Variants in ELMO1 observed in about 807,000 individuals in gnomAD.
ELMO1 encodes engulfment and cell motility protein 1.
In ELMO1, 26 loss-of-function variants were observed where a neutral mutation model predicts 98.9. That is an observed-to-expected ratio of 0.26 (90% CI 0.19 to 0.36). The LOEUF is 0.36. Among genes scored for constraint, ELMO1 ranks in the 10% least tolerant of loss-of-function variants. The probability of loss-of-function intolerance (pLI) is 1.00; values close to 1 mark genes in which losing one functional copy is unlikely to be tolerated. For synonymous variants in ELMO1, 346 were observed against 346.0 expected (o/e 1.00, Z 0.00); for missense variants, 627 against 935.2 (o/e 0.67, Z 4.30).
rs1800107692 is a variant in ELMO1, at chr7:37,331,355, TGG to T, written c.78+11256_78+11257del. Among the ~76,000 whole-genome samples the T allele has an allele frequency of 3.5e-4, 37 of 105,672 alleles. 3 individuals carry two copies. The highest frequency in any genetic ancestry group is 7.4e-4 in the South Asian group (2 of 2,710). The allele number at this position is 105,672 out of a possible 152,430, so 69.3% of individuals were successfully genotyped here. Reference sequence around the variant, plus strand: ...TGGCTTTTTTTTTTTTTTTTTTTTTTGGAATTTTAGTAGAGACAGGGTTTCAC... The same window carrying T: ...TGGCTTTTTTTTTTTTTTTTTTTTTTAATTTTAGTAGAGACAGGGTTTCAC... On this transcript the variant is annotated intron_variant, in intron 2 of 21. Transcript: ENST00000310758.
chr7:37,407,372 A>G (rs998502558), intron 1 of ELMO1, among the ~76,000 whole-genome samples: 4 of 151,906 alleles, frequency 2.6e-5, no homozygotes, highest in Non-Finnish European at 1.5e-5. Flanking sequence ...GCCAGGCGTG[A>G]TGGTGGGTGC....
At chr7:37,166,856 G>A (rs987147663) in intron 13 of ELMO1, among the ~76,000 whole-genome samples, 1 of 152,168 alleles carries the variant, frequency 6.6e-6, no homozygotes, top group Non-Finnish European at 1.5e-5. Flanking sequence ...TATTAGGTCT[G>A]CTTGGTGGAG....
chr7:37,172,901 CG>C (rs1253190898), intron 13 of ELMO1, among the ~76,000 whole-genome samples: 2 of 152,154 alleles, frequency 1.3e-5, no homozygotes, highest in African/African-American at 4.8e-5. Context: ...AACTAGCAGA[CG>C]GCTCTTACTC....
At chr7:37,331,248 C>T (rs1800089056) in intron 2 of ELMO1, among the ~76,000 whole-genome samples, 1 of 150,816 alleles carries the variant, frequency 6.6e-6, no homozygotes, top group African/African-American at 2.4e-5. Flanking sequence ...CGGCTCACTG[C>T]AAGCTCTGCC....
chr7:37,375,978 G>T, intron 1 of ELMO1: 1 of 570,142 alleles, frequency 1.8e-6, no homozygotes, highest in Admixed American at 2.5e-5. Flanking sequence ...CTGAATTCCA[G>T]TTTAGAGGAG....
At chr7:37,188,907 A>C (rs889914794) in intron 13 of ELMO1, among the ~76,000 whole-genome samples, 16 of 123,012 alleles carry the variant, frequency 1.3e-4, no homozygotes, top group Non-Finnish European at 2.3e-4. Context: ...TCATTGCTGC[A>C]GCTCAGTTCA....
chr7:36,894,791 GT>G, intron 17 of ELMO1, 62 bp downstream of exon 17: 1 of 1,601,408 alleles, frequency 6.2e-7, no homozygotes, highest in Non-Finnish European at 8.5e-7. Context: ...ATGACAGGCG[GT>G]CATTCTAGAA....
At chr7:37,207,245 C>T (rs58205009) in intron 13 of ELMO1, among the ~76,000 whole-genome samples, 1,823 of 152,300 alleles carry the variant, frequency 0.012, 43 homozygotes, top group African/African-American at 0.042. Flanking sequence ...TCCTTAGAAG[C>T]TCCACTAAAA....
chr7:37,312,797 T>C (rs1284658317), intron 4 of ELMO1, among the ~76,000 whole-genome samples: 1 of 152,210 alleles, frequency 6.6e-6, no homozygotes, highest in East Asian at 1.9e-4. Flanking sequence ...AACAGCTTTT[T>C]TACCACAACC....
intron 13 of ELMO1, among the ~76,000 whole-genome samples, chr7:37,154,123 C>T (rs544571467): frequency 6.6e-6 from 1 of 152,074 alleles, no homozygotes; most frequent in Non-Finnish European, 1.5e-5. Context: ...TCAACATCAA[C>T]AAAAAAGGAC....
chr7:37,098,125 A>G (rs1191745404), intron 14 of ELMO1, among the ~76,000 whole-genome samples: 2 of 152,222 alleles, frequency 1.3e-5, no homozygotes, highest in Non-Finnish European at 2.9e-5. Flanking sequence ...ACCACTTTGA[A>G]TGATCATCTC....
intron 13 of ELMO1, among the ~76,000 whole-genome samples, chr7:37,176,880 T>G (rs543387811): frequency 1.2e-3 from 184 of 152,330 alleles, no homozygotes; most frequent in African/African-American, 4.0e-3. Context: ...TAGACGACTA[T>G]ATAATCAACG....
intron 4 of ELMO1, among the ~76,000 whole-genome samples, chr7:37,282,879 T>C (rs1797212944): frequency 6.6e-6 from 1 of 152,240 alleles, no homozygotes; most frequent in African/African-American, 2.4e-5. Context: ...CATTTTCAGC[T>C]GTTGTCTTTT....
At chr7:37,344,253 A>C (rs1044559277) in intron 1 of ELMO1, among the ~76,000 whole-genome samples, 2 of 152,084 alleles carry the variant, frequency 1.3e-5, no homozygotes, top group African/African-American at 4.8e-5. Flanking sequence ...GCTGGTCTTG[A>C]ACTCCTGACC....
intron 15 of ELMO1, among the ~76,000 whole-genome samples, chr7:37,070,690 G>C (rs970913204): frequency 6.6e-6 from 1 of 152,160 alleles, no homozygotes; most frequent in African/African-American, 2.4e-5. Context: ...TGACATGATG[G>C]ATTTCAGAAT....
intron 13 of ELMO1, among the ~76,000 whole-genome samples, chr7:37,163,336 T>A (rs1789363604): frequency 1.6e-4 from 1 of 6,298 alleles, no homozygotes; most frequent in Non-Finnish European, 6.1e-3. Flanking sequence ...AAGCCAGTGT[T>A]CTTTTTTTTT....
At chr7:37,012,864 C>T (rs1195317357) in intron 16 of ELMO1, among the ~76,000 whole-genome samples, 1 of 152,128 alleles carries the variant, frequency 6.6e-6, no homozygotes, top group African/African-American at 2.4e-5. Flanking sequence ...CCATAATCCA[C>T]AAAGAAACCA....
intron 4 of ELMO1, among the ~76,000 whole-genome samples, chr7:37,280,506 GA>G (rs929482154): frequency 6.9e-5 from 10 of 145,150 alleles, no homozygotes; most frequent in Admixed American, 4.1e-4. Context: ...AAATCAGTAA[GA>G]AAAAAAAAAT....
intron 1 of ELMO1, among the ~76,000 whole-genome samples, chr7:37,395,135 G>T (rs1364624779): frequency 1.3e-5 from 2 of 152,096 alleles, no homozygotes; most frequent in Non-Finnish European, 2.9e-5. Context: ...GGAGGCCGAG[G>T]CAGGCAGATC....
Sources: allele counts gnomAD v4.1 joint callset (sites outside exome capture counted in the v4.1 genomes callset), GRCh38; gene constraint gnomAD v4.1.1; transcripts MANE v1.5; gene names NCBI Gene and HGNC (gene_info 2026-07-23, HGNC 2026-07-21).